TUBD1: variants seen among roughly 807,000 people sequenced by gnomAD.
The protein encoded by TUBD1 is tubulin delta 1.
TUBD1 carries 38 observed loss-of-function variants against 51.2 expected under a neutral mutation model. That is an observed-to-expected ratio of 0.74 (90% CI 0.57 to 0.97). TUBD1 has a LOEUF of 0.97. TUBD1 is among the 50% of genes least tolerant of loss of function. TUBD1 has a pLI of 0.00. For missense variants in TUBD1, 489 were observed against 538.4 expected, an observed-to-expected ratio of 0.91 and a Z score of 0.91; for synonymous variants, 169 against 178.2, an observed-to-expected ratio of 0.95 and a Z score of 0.41.
At chr17:59,890,764 T>C (rs1407308012) in intron 2 of TUBD1, 67 bp downstream of exon 2, 1 of 1,343,084 alleles carries the variant, frequency 7.4e-7, no homozygotes, top group African/African-American at 1.5e-5. Context: ...AAAAACCATG[T>C]GGAAGGCCTG....
At chr17:59,878,672 G>T in intron 4 of TUBD1, 1 of 218,012 alleles carries the variant, frequency 4.6e-6, no homozygotes, top group Non-Finnish European at 9.3e-6. Context: ...TAGAGACAGG[G>T]TTTCACCATG....
At chr17:59,866,828 G>C (rs2039726843) in intron 6 of TUBD1, 79 bp from the exon 7 acceptor site, 3 of 1,259,330 alleles carry the variant, frequency 2.4e-6, no homozygotes, top group Admixed American at 2.5e-5. Flanking sequence ...CTGTTGCCCA[G>C]GCTGGAGTGC....
rs1004399004 is a variant in TUBD1, at chr17:59,869,489, A to T, written c.935-2740T>A. On this transcript the variant is annotated intron_variant, in intron 6 of 8. Transcript: ENST00000325752. The stretch of plus-strand genomic sequence containing the variant: ...GATTCTGTCCCCCCCGCCAAAAAAA[A>T]AAAAGAAAAAAGAAAAAATGTTGAC... Among the ~76,000 whole-genome samples, 5 of 152,060 alleles carry T rather than the reference A, an allele frequency of 3.3e-5. No individual in the cohort carries two copies. In the East Asian group the frequency reaches 9.7e-4, roughly 29 times the overall value.
At chr17:59,881,139 AAC>A in intron 3 of TUBD1, 29 bp from the exon 4 acceptor site, 1 of 1,524,702 alleles carries the variant, frequency 6.6e-7, no homozygotes, top group Admixed American at 1.7e-5. Context: ...AACAAACACA[AAC>A]ACTTTTCAAT....
At chr17:59,874,730 ATT>A in intron 5 of TUBD1, 27 bp from the exon 6 acceptor site, 1 of 1,572,922 alleles carries the variant, frequency 6.4e-7, no homozygotes, top group Non-Finnish European at 8.6e-7. Context: ...ATCTGAACTA[ATT>A]TTTTTTTATT....
At chr17:59,869,437 T>C (rs950097018) in intron 6 of TUBD1, among the ~76,000 whole-genome samples, 2 of 150,452 alleles carry the variant, frequency 1.3e-5, no homozygotes, top group African/African-American at 2.4e-5. Context: ...ATCGCGCCAC[T>C]GCACTCCAGC....
intron 8 of TUBD1, among the ~76,000 whole-genome samples, chr17:59,862,714 ATTTTT>A (rs71145582): frequency 2.3e-4 from 13 of 56,984 alleles, no homozygotes; most frequent in African/African-American, 8.4e-4. Context: ...TAATTTTTGT[ATTTTT>A]TTTTTTTTTT....
intron 6 of TUBD1, among the ~76,000 whole-genome samples, chr17:59,871,324 T>C (rs2039973267): frequency 1.3e-5 from 2 of 152,070 alleles, no homozygotes; most frequent in Admixed American, 1.3e-4. Flanking sequence ...CTTAGCCTCC[T>C]GAGTAGCTGG....
chr17:59,878,520 T>C (rs2040331553), intron 4 of TUBD1, 186 bp from the exon 5 acceptor site: 2 of 534,192 alleles, frequency 3.7e-6, no homozygotes, highest in South Asian at 4.4e-5. Flanking sequence ...ATAGAGACTC[T>C]GTCGCCCAGG....
intron 4 of TUBD1, among the ~76,000 whole-genome samples, 177 bp downstream of exon 4, chr17:59,880,717 T>C (rs1335504699): frequency 3.3e-5 from 5 of 151,948 alleles, no homozygotes; most frequent in Admixed American, 6.6e-5. Flanking sequence ...GGTTTCACCA[T>C]GTTAGCCGGG....
intron 3 of TUBD1, chr17:59,884,856 G>T: frequency 5.9e-6 from 1 of 170,140 alleles, no homozygotes; most frequent in South Asian, 1.3e-4. Context: ...CCAGGAGATG[G>T]AGGTTGCACT....
At chr17:59,883,084 C>A (rs531137445) in intron 3 of TUBD1, among the ~76,000 whole-genome samples, 16 of 151,666 alleles carry the variant, frequency 1.1e-4, no homozygotes, top group Admixed American at 1.1e-3. Context: ...CATACCCAGC[C>A]GCCCGGCTAA....
chr17:59,877,777 C>CA (rs11288183), intron 5 of TUBD1, among the ~76,000 whole-genome samples: 100 of 128,938 alleles, frequency 7.8e-4, no homozygotes, highest in South Asian at 3.3e-3. Flanking sequence ...GACTCTGTCT[C>CA]AAAAAAAAAA....
rs2039360983 is a variant in TUBD1, at chr17:59,860,009, AACATTTTTTTTT to A, written c.*301_*312del. 5.9e-6 allele frequency: 1 copy of A among 169,648 alleles called. No individual in the cohort carries two copies. Among genetic ancestry groups the A allele is most frequent in the Non-Finnish European group, 1.3e-5 (1 of 79,928 alleles). 10.5% of individuals were successfully genotyped at this position (169,648 alleles called of 1,614,324 possible). ...TACTTTAACAGAATGGAACTTTGAA[AACATTTTTTTTT>A]TTTTTTTTTTTTGAGACGGAGTCTC... is the stretch of plus-strand genomic sequence containing the variant. On this transcript the variant is annotated 3_prime_UTR_variant, in exon 9 of 9. Transcript: ENST00000325752.
chr17:59,881,872 T>C lies in TUBD1; in HGVS notation c.321-762A>G, dbSNP rs544616956. Among the ~76,000 whole-genome samples the C allele has an allele frequency of 4.1e-3, 619 of 152,238 alleles. 5 individuals carry two copies. The highest frequency in any genetic ancestry group is 6.9e-3 in the Non-Finnish European group (467 of 68,004). On this transcript the variant is annotated intron_variant, in intron 3 of 8. Transcript: ENST00000325752. ...TTAGTAGAGACGGGGTTTCACCATG[T>C]TGGCCAGGCTGGTCTCAAACTCCTG...
Position 59,886,217 on chromosome 17 carries a change from C to T in TUBD1, c.186G>A (p.Arg62=), listed in dbSNP as rs1351422599. 1.9e-6 allele frequency: 3 copies of T among 1,611,936 alleles called. No individual in the cohort carries two copies. The highest frequency in any genetic ancestry group is 2.2e-5 in the South Asian group (2 of 90,468). ...SEEENGVPIA[R]AVLVDMEPKV... ...TGGGTTCCATGTCAACAAGAACAGC[C>T]CGGGCAATTGGAACTAGAGGGGGAA... The change falls in exon 3 of 9, where the codon CGG becomes CGA. Residue 62 remains arginine, a synonymous_variant. Coordinates refer to ENST00000325752, the MANE Select transcript of TUBD1 (RefSeq NM_016261.4).
At chr17:59,883,104 TC>T (rs1395279312) in intron 3 of TUBD1, among the ~76,000 whole-genome samples, 3 of 151,494 alleles carry the variant, frequency 2.0e-5, no homozygotes, top group Non-Finnish European at 2.9e-5. Flanking sequence ...ATTTCTTTTT[TC>T]TTTTTTTTGA....
At chr17:59,872,015 G>C (rs976602654) in intron 6 of TUBD1, among the ~76,000 whole-genome samples, 8 of 151,900 alleles carry the variant, frequency 5.3e-5, no homozygotes, top group Non-Finnish European at 1.2e-4. Flanking sequence ...GAGCAGGGGT[G>C]TGATCTCAGC....
At chr17:59,890,787 T>A in intron 2 of TUBD1, 44 bp downstream of exon 2, 2 of 1,482,728 alleles carry the variant, frequency 1.3e-6, no homozygotes, top group East Asian at 5.0e-5. Flanking sequence ...TTTGAAGGGG[T>A]TGGTTAGATC....
Sources: gnomAD v4.1 joint callset for allele counts (sites outside exome capture counted in the v4.1 genomes callset) on GRCh38, gnomAD v4.1.1 for gene constraint, MANE v1.5 for transcripts, NCBI Gene and HGNC (gene_info 2026-07-23, HGNC 2026-07-21) for gene names.